Variants in NLN observed in about 807,000 individuals in gnomAD.
NLN encodes the protein neurolysin, mitochondrial.
NLN carries 64 observed loss-of-function variants against 79.9 expected under a neutral mutation model. That is an observed-to-expected ratio of 0.80 (90% confidence interval 0.65 to 0.99). NLN has a LOEUF of 0.99. Ranked by LOEUF, NLN falls within the 50% of genes least tolerant of loss-of-function variation. NLN has a pLI of 0.00. For synonymous variants in NLN, 267 were observed against 296.6 expected (o/e 0.90, Z 1.02); for missense variants, 835 against 858.7 (o/e 0.97, Z 0.34).
rs945427242 is a variant in NLN at position 65,815,790 on chromosome 5, A to C, written c.1980+3399A>C. Reference sequence around the variant, plus strand: ...GGCGGGGGATGTTCTTCAAAAAAAAACCCACAAATATTTGCTCTAAAATAA... The same window carrying C: ...GGCGGGGGATGTTCTTCAAAAAAAACCCCACAAATATTTGCTCTAAAATAA... On this transcript the variant is annotated intron_variant, in intron 12 of 12. Coordinates refer to ENST00000380985, the MANE Select transcript of NLN (RefSeq NM_020726.5). 2.7e-4 allele frequency among the ~76,000 whole-genome samples: 41 copies of C among 152,102 alleles called. 1 individual carries two copies. The highest frequency in any genetic ancestry group is 4.1e-4 in the South Asian group (2 of 4,826).
At chr5:65,722,484 C>T in intron 1 of NLN, 70 bp downstream of exon 1, 1 of 1,371,088 alleles carries the variant, frequency 7.3e-7, no homozygotes, top group Non-Finnish European at 1.0e-6. Flanking sequence ...GTGCCTGGAG[C>T]CCGGACCCAC....
At chr5:65,798,017 A>G (rs1441019049) in intron 9 of NLN, among the ~76,000 whole-genome samples, 1 of 152,186 alleles carries the variant, frequency 6.6e-6, no homozygotes, top group Non-Finnish European at 1.5e-5. Flanking sequence ...CTGAAGAGCA[A>G]TGTGGGTATG....
At chr5:65,809,832 C>T (rs1760505119) in intron 10 of NLN, 131 bp downstream of exon 10, 2 of 955,608 alleles carry the variant, frequency 2.1e-6, no homozygotes, top group Non-Finnish European at 3.1e-6. Context: ...GAGTGAAGAA[C>T]ATTAAATATA....
intron 1 of NLN, chr5:65,740,813 T>TTATA (rs148113155): frequency 0.015 from 2,141 of 144,676 alleles, 54 homozygotes; most frequent in African/African-American, 0.05. Context: ...TATAGCTTTG[T>TTATA]TATATATATA....
intron 1 of NLN, among the ~76,000 whole-genome samples, chr5:65,734,782 A>C (rs961902086): frequency 1.3e-5 from 2 of 152,230 alleles, no homozygotes; most frequent in Non-Finnish European, 2.9e-5. Flanking sequence ...ACAATGTATA[A>C]GGTCCATACT....
Position 65,788,114 on chromosome 5 carries a change from A to T in NLN, c.959-4A>T, listed in dbSNP as rs746192546. The T allele has an allele frequency of 1.9e-6, 3 of 1,608,840 alleles. No homozygotes were observed. The highest frequency in any genetic ancestry group is 2.5e-6 in the Non-Finnish European group (3 of 1,178,030). Reference sequence around the variant, plus strand: ...AGATCACTAACTTTTCCTTTTCCTTACAGATGATTTAAGCCAGAAGTTAAA... The same window carrying T: ...AGATCACTAACTTTTCCTTTTCCTTTCAGATGATTTAAGCCAGAAGTTAAA... On this transcript the variant is annotated splice_region_variant and splice_polypyrimidine_tract_variant and intron_variant, in intron 7 of 12. Transcript: ENST00000380985.
chr5:65,731,768 T>TC (rs752322929), intron 1 of NLN, among the ~76,000 whole-genome samples: 10 of 85,772 alleles, frequency 1.2e-4, no homozygotes, highest in African/African-American at 3.8e-4. Flanking sequence ...TTTTTTTTTT[T>TC]CAGACAGAGT....
At chr5:65,746,622 A>G (rs571378255) in intron 1 of NLN, among the ~76,000 whole-genome samples, 1 of 152,330 alleles carries the variant, frequency 6.6e-6, no homozygotes, top group East Asian at 1.9e-4. Context: ...ACCCAGGATC[A>G]AGGAAGTTTT....
chr5:65,811,170 G>A (rs114391609), intron 11 of NLN, among the ~76,000 whole-genome samples: 1,852 of 152,112 alleles, frequency 0.012, 38 homozygotes, highest in African/African-American at 0.04. Context: ...TTGGTAAGGT[G>A]GATTTTTTTT....
chr5:65,825,100 C>CA lies in NLN; in HGVS notation c.*2193dup. 1 of 150,896 alleles carries CA rather than the reference C, an allele frequency of 6.6e-6. No individual in the cohort carries two copies. The highest frequency in any genetic ancestry group is 1.5e-5 in the Non-Finnish European group (1 of 67,788). 9.3% of individuals were successfully genotyped at this position (150,896 alleles called of 1,614,324 possible). ...TGGACGACAGAGTGAGATTCAGTCT[C>CA]AAAAAAAATTAATACTCAAAGAATT... On this transcript the variant is annotated 3_prime_UTR_variant, in exon 13 of 13. Transcript: ENST00000380985.
At chr5:65,768,331 A>G (rs1413675265) in intron 3 of NLN, among the ~76,000 whole-genome samples, 2 of 152,182 alleles carry the variant, frequency 1.3e-5, no homozygotes, top group Non-Finnish European at 2.9e-5. Flanking sequence ...GGTACATCTT[A>G]CATGGTGGCA....
At chr5:65,743,917 A>G (rs374169183) in intron 1 of NLN, among the ~76,000 whole-genome samples, 32 of 152,340 alleles carry the variant, frequency 2.1e-4, no homozygotes, top group African/African-American at 7.2e-4. Flanking sequence ...TCATAGAGCT[A>G]TCTTGAAAGA....
chr5:65,758,404 A>G (rs1759266331), intron 1 of NLN, among the ~76,000 whole-genome samples, 163 bp from the exon 2 acceptor site: 1 of 152,176 alleles, frequency 6.6e-6, no homozygotes, highest in Non-Finnish European at 1.5e-5. Flanking sequence ...TAGGAAATAC[A>G]GGGGCACTTA....
intron 1 of NLN, among the ~76,000 whole-genome samples, chr5:65,743,267 T>C (rs776532420): frequency 4.6e-5 from 7 of 152,206 alleles, no homozygotes; most frequent in Non-Finnish European, 1.0e-4. Context: ...TGGGGATTAA[T>C]TTATAAACAT....
At chr5:65,795,252 G>A (rs1464716711) in intron 9 of NLN, among the ~76,000 whole-genome samples, 1 of 152,266 alleles carries the variant, frequency 6.6e-6, no homozygotes, top group South Asian at 2.1e-4. Flanking sequence ...GCTAGGCATG[G>A]CAGCTCACAC....
chr5:65,800,009 T>C (rs1290078467), intron 9 of NLN, among the ~76,000 whole-genome samples: 1 of 152,218 alleles, frequency 6.6e-6, no homozygotes, highest in Non-Finnish European at 1.5e-5. Context: ...GAATGACTGC[T>C]AAGAAATCAG....
At chr5:65,809,731 A>G in intron 10 of NLN, 30 bp downstream of exon 10, 1 of 1,498,140 alleles carries the variant, frequency 6.7e-7, no homozygotes. Context: ...AAAGGAAAAT[A>G]AATTAGAATC....
Position 65,722,308 on chromosome 5 carries a change from C to G in NLN, c.-66C>G, listed in dbSNP as rs1758323386. On this transcript the variant is annotated 5_prime_UTR_variant, in exon 1 of 13. Transcript: ENST00000380985. ...GAGACTCCCGGGCGCCCAGGCGCTGCCGCCCGCCTCGCCGCCCCACGCCGA... is the reference window on the plus strand; with the variant it reads ...GAGACTCCCGGGCGCCCAGGCGCTGGCGCCCGCCTCGCCGCCCCACGCCGA... The G allele has an allele frequency of 1.5e-6, 2 of 1,377,636 alleles. No individual in the cohort carries two copies. Among genetic ancestry groups the G allele is most frequent in the African/African-American group, 3.0e-5 (2 of 65,682 alleles). 85.3% of individuals were successfully genotyped at this position (1,377,636 alleles called of 1,614,324 possible).
intron 1 of NLN, among the ~76,000 whole-genome samples, chr5:65,735,406 G>T (rs1440369901): frequency 6.6e-6 from 1 of 152,126 alleles, no homozygotes; most frequent in Admixed American, 6.5e-5. Context: ...GAATTCCCCT[G>T]GCTTGCTTTT....
Sources: allele counts gnomAD v4.1 joint callset (sites outside exome capture counted in the v4.1 genomes callset), GRCh38; gene constraint gnomAD v4.1.1; transcripts MANE v1.5; gene names NCBI Gene and HGNC (gene_info 2026-07-23, HGNC 2026-07-21).